Variants in CORO7 observed in about 807,000 individuals in gnomAD.
CORO7 encodes coronin-7.
CORO7 carries 107 observed loss-of-function variants against 126.6 expected under a neutral mutation model. That is an observed-to-expected ratio of 0.85 (90% confidence interval 0.72 to 0.99). The LOEUF (loss-of-function observed/expected upper bound fraction) is 0.99, where lower values mean the gene tolerates loss of function less well. CORO7 is among the 50% of genes least tolerant of loss of function. The probability of loss-of-function intolerance (pLI) is 0.00; values close to 1 mark genes in which losing one functional copy is unlikely to be tolerated. For missense variants in CORO7, 1,314 were observed against 1,255.8 expected, an observed-to-expected ratio of 1.05 and a Z score of -0.70; for synonymous variants, 603 against 536.8, an observed-to-expected ratio of 1.12 and a Z score of -1.70.
chr16:4,355,101 T>G lies in CORO7; in HGVS notation c.*57A>C. On this transcript the variant is annotated 3_prime_UTR_variant, in exon 28 of 28. Transcript: ENST00000251166. ...TATCTTCCAGCTTGAGGATGAGCCGTGAGGTGTGCACTAGGAAGTGGCAGC... is the reference window on the plus strand; with the variant it reads ...TATCTTCCAGCTTGAGGATGAGCCGGGAGGTGTGCACTAGGAAGTGGCAGC... The G allele has an allele frequency of 6.9e-7, 1 of 1,459,518 alleles. No individual in the cohort carries two copies. Among genetic ancestry groups the G allele is most frequent in the Non-Finnish European group, 9.1e-7 (1 of 1,099,794 alleles). The allele number at this position is 1,459,518 out of a possible 1,614,324, so 90.4% of individuals were successfully genotyped here.
intron 7 of CORO7, among the ~76,000 whole-genome samples, chr16:4,393,972 G>A (rs1287531335): frequency 6.6e-6 from 1 of 150,900 alleles, no homozygotes; most frequent in Admixed American, 6.6e-5. Context: ...ATGGTGGCGG[G>A]CACCTGTAGT....
In CORO7 at chr16:4,359,696, T is replaced by C. The variant is rs2054097187; in HGVS notation, c.2109-75A>G. The C allele has an allele frequency of 2.0e-6, 3 of 1,510,468 alleles. No individual in the cohort carries two copies. In the Admixed American group the frequency reaches 6.4e-5, roughly 32 times the overall value. 93.6% of individuals were successfully genotyped at this position (1,510,468 alleles called of 1,614,324 possible). Reference sequence around the variant, plus strand: ...CTGGGGCAGGGAGAAGGCGCCCACGTAGCCCCTGCTCTGTTCTGGGTTGTA... The same window carrying C: ...CTGGGGCAGGGAGAAGGCGCCCACGCAGCCCCTGCTCTGTTCTGGGTTGTA... On this transcript the variant is annotated intron_variant, in intron 21 of 27. Transcript: ENST00000251166.
intron 26 of CORO7, 51 bp downstream of exon 26, chr16:4,357,117 G>A (rs1368974943): frequency 1.9e-6 from 3 of 1,609,822 alleles, no homozygotes; most frequent in Non-Finnish European, 1.7e-6. Context: ...CCGTGGCCAG[G>A]TGCAGCCAGG....
chr16:4,378,270 C>T (rs1347559588), intron 9 of CORO7, among the ~76,000 whole-genome samples: 10 of 152,244 alleles, frequency 6.6e-5, no homozygotes, highest in Admixed American at 1.3e-4. Flanking sequence ...AGCACAGGGC[C>T]GCCTGCCTGG....
At chr16:4,371,553 G>A (rs1596291022) in intron 9 of CORO7, among the ~76,000 whole-genome samples, 1 of 152,228 alleles carries the variant, frequency 6.6e-6, no homozygotes, top group African/African-American at 2.4e-5. Context: ...CCTGCCTGGT[G>A]CCTCATAGGC....
intron 9 of CORO7, among the ~76,000 whole-genome samples, chr16:4,374,205 T>G (rs1229259127): frequency 6.7e-6 from 1 of 149,324 alleles, no homozygotes; most frequent in Non-Finnish European, 1.5e-5. Context: ...GTGGGGGTGT[T>G]TGGGGGAGCC....
At position 4,405,533 on chromosome 16, in the gene CORO7, G is replaced by A. The variant is rs374431323; in HGVS notation, c.522C>T (p.Ala174=). The A allele has an allele frequency of 3.3e-5, 54 of 1,612,770 alleles. No individual in the cohort carries two copies. Among genetic ancestry groups the A allele is most frequent in the African/African-American group, 5.3e-5 (4 of 74,928 alleles). Residue 174 remains alanine (A), a synonymous_variant, in exon 6 of 28, where the codon GCC becomes GCT. Coordinates refer to ENST00000251166, the MANE Select transcript of CORO7 (RefSeq NM_024535.5). ...LAAHGDLVQS[A]VWSRDGALVG... ...CCAGGGCTCCATCTCGGCTCCAGAC[G>A]GCGCTCTGCACCAGGTCCCCATGGG...
chr16:4,416,438 C>G (rs558159193), intron 1 of CORO7, 21 bp downstream of exon 1: 2 of 1,558,510 alleles, frequency 1.3e-6, no homozygotes, highest in East Asian at 2.6e-5. Context: ...CGACAGCGCC[C>G]GGTCCTCGGG....
At chr16:4,392,370 C>T (rs187527576) in intron 7 of CORO7, among the ~76,000 whole-genome samples, 4 of 152,300 alleles carry the variant, frequency 2.6e-5, no homozygotes, top group African/African-American at 9.6e-5. Flanking sequence ...TCGGGGTCTG[C>T]ACCTCCGAGG....
At chr16:4,359,776 C>T (rs1198080992) in intron 21 of CORO7, 155 bp from the exon 22 acceptor site, 1 of 993,514 alleles carries the variant, frequency 1.0e-6, no homozygotes, top group East Asian at 2.7e-5. Flanking sequence ...GCCCCTCCAC[C>T]TCTGGGTTCC....
rs771918915 is a variant in CORO7, at chr16:4,361,466, G to A, written c.1582C>T (p.Arg528Trp). 3.0e-5 allele frequency: 49 copies of A among 1,611,266 alleles called. No individual in the cohort carries two copies. The highest frequency in any genetic ancestry group is 1.3e-4 in the East Asian group (6 of 44,886). The change falls in exon 17 of 28, where the codon CGG (arginine) becomes TGG (tryptophan). Residue 528 changes from arginine to tryptophan, a missense_variant. Coordinates refer to ENST00000251166, the MANE Select transcript of CORO7 (RefSeq NM_024535.5). ...SGGQVAVLEL[R>W]KPGRLPDTAL... ...GTGTCGGGCAGGCGGCCAGGCTTCC[G>A]TAGCTGTGGGAGGTGCCCCCACCCC...
rs2056238960 is a variant in CORO7, at chr16:4,412,249, G to A, written c.232+107C>T. On this transcript the variant is annotated intron_variant, in intron 3 of 27. Transcript: ENST00000251166. ...GAGTGCACAGACAGGGCGACAGGAG[G>A]GACCTGGCAAGCCATGCGGCAGTGG... 7.4e-6 allele frequency: 9 copies of A among 1,221,686 alleles called. No homozygotes were observed. The Middle Eastern group carries it at 9.8e-4, about 133-fold the overall frequency. The allele number at this position is 1,221,686 out of a possible 1,614,324, so 75.7% of individuals were successfully genotyped here.
rs565663467 is a variant in CORO7 at position 4,364,785 on chromosome 16, A to G, written c.1034T>C (p.Val345Ala). Residue 345 changes from valine to alanine, a missense_variant, in exon 12 of 28, where the codon GTG becomes GCG. Transcript: ENST00000251166. ...CCAAGTCCCCCTCACCTTGCGGGGC[A>G]CATGGTAGCCGATGGGCACGATGGC... is the stretch of plus-strand genomic sequence containing the variant. ...DTAIVPIGYH[V>A]PRKAVEFHED... 67 of 1,611,098 alleles carry G rather than the reference A, an allele frequency of 4.2e-5. No individual in the cohort carries two copies. In the East Asian group the frequency reaches 1.4e-3, roughly 33 times the overall value.
At chr16:4,390,884 C>T (rs957096442) in intron 7 of CORO7, among the ~76,000 whole-genome samples, 1 of 152,244 alleles carries the variant, frequency 6.6e-6, no homozygotes, top group Non-Finnish European at 1.5e-5. Flanking sequence ...CCGCCCAGGA[C>T]CACAGCTGCC....
intron 5 of CORO7, 128 bp from the exon 6 acceptor site, chr16:4,405,695 G>C (rs2055973273): frequency 9.8e-6 from 11 of 1,117,698 alleles, no homozygotes; most frequent in Non-Finnish European, 1.3e-5. Flanking sequence ...TCAGCCAAGG[G>C]GGCAAGGGCA....
chr16:4,405,436 C>T, intron 6 of CORO7, 55 bp downstream of exon 6: 3 of 1,558,630 alleles, frequency 1.9e-6, no homozygotes, highest in Non-Finnish European at 2.6e-6. Flanking sequence ...CCAGGGGGTC[C>T]CAGCCCAGGA....
chr16:4,395,466 C>T, intron 6 of CORO7, 127 bp from the exon 7 acceptor site: 2 of 1,232,308 alleles, frequency 1.6e-6, no homozygotes, highest in Non-Finnish European at 1.2e-6. Context: ...GGGCTGCCAT[C>T]ACACACCAGG....
chr16:4,387,963 C>T (rs377037455), intron 9 of CORO7, 23 bp downstream of exon 9: 160 of 1,611,824 alleles, frequency 9.9e-5, no homozygotes, highest in Non-Finnish European at 1.3e-4. Context: ...CCCCCCAGCC[C>T]ACCTGCGTGC....
chr16:4,371,107 C>T (rs931919512), intron 9 of CORO7, among the ~76,000 whole-genome samples: 1 of 152,240 alleles, frequency 6.6e-6, no homozygotes, highest in African/African-American at 2.4e-5. Flanking sequence ...CGGTGACCAC[C>T]CCTATGCCTC....
Sources: gnomAD v4.1 joint callset for allele counts (sites outside exome capture counted in the v4.1 genomes callset) on GRCh38, gnomAD v4.1.1 for gene constraint, MANE v1.5 for transcripts, NCBI Gene and HGNC (gene_info 2026-07-23, HGNC 2026-07-21) for gene names.